The following CASK variants were observed in gnomAD, a reference collection of about 807,000 sequenced individuals.
CASK encodes the protein peripheral plasma membrane protein CASK.
CASK carries 4 observed loss-of-function variants against 82.9 expected under a neutral mutation model. That is an observed-to-expected ratio of 0.05 (90% confidence interval 0.02 to 0.11). The LOEUF (loss-of-function observed/expected upper bound fraction) is 0.11. Ranked by LOEUF, CASK falls within the 10% of genes least tolerant of loss-of-function variation. The pLI is 1.00. For missense variants in CASK, 358 were observed against 720.9 expected, an observed-to-expected ratio of 0.50 and a Z score of 5.76; for synonymous variants, 259 against 253.5, an observed-to-expected ratio of 1.02 and a Z score of -0.20.
intron 12 of CASK, among the ~76,000 whole-genome samples, chrX:41,600,378 C>T (rs1020448645): frequency 2.7e-5 from 3 of 112,462 alleles, no homozygotes; most frequent in East Asian, 2.8e-4. Context: ...GCCACTCCAT[C>T]GAACATTCTT....
intron 3 of CASK, among the ~76,000 whole-genome samples, chrX:41,770,395 A>AGGCTGGCT (rs754706476): frequency 9.2e-6 from 1 of 108,972 alleles, no homozygotes; most frequent in African/African-American, 3.4e-5. Flanking sequence ...CTTGTTACCC[A>AGGCTGGCT]GGCTGGCTGG....
intron 11 of CASK, among the ~76,000 whole-genome samples, chrX:41,616,143 A>G (rs954110578): frequency 1.2e-4 from 13 of 111,592 alleles, no homozygotes; most frequent in Non-Finnish European, 9.4e-5. Context: ...AGCGCACTCC[A>G]TGAGTTACTT....
Position 41,906,531 on chromosome X carries a change from G to A in CASK, c.59+16399C>T, listed in dbSNP as rs113939598. ...ACTTTTCTACAGCAGTTGCTACTCT[G>A]GAAGTAGCACCCGGCTCCTAAGCAC... On this transcript the variant is annotated intron_variant, in intron 1 of 26. Coordinates refer to ENST00000378163, the MANE Select transcript of CASK (RefSeq NM_001367721.1). 2.1e-3 allele frequency among the ~76,000 whole-genome samples: 235 copies of A among 112,481 alleles called. 1 individual carries two copies. The highest frequency in any genetic ancestry group is 3.8e-3 in the Non-Finnish European group (203 of 53,284).
At chrX:41,612,548 G>A (rs1490890256) in intron 11 of CASK, among the ~76,000 whole-genome samples, 2 of 103,357 alleles carry the variant, frequency 1.9e-5, no homozygotes, top group Non-Finnish European at 4.0e-5. Flanking sequence ...CCCCCCGCCC[G>A]GCCAGCCGCC....
chrX:41,654,322 G>A (rs766967007), intron 8 of CASK, among the ~76,000 whole-genome samples: 34 of 111,587 alleles, frequency 3.0e-4, no homozygotes, highest in African/African-American at 1.0e-3. Context: ...AAAGAAAGAG[G>A]AGAATCATGG....
At chrX:41,848,518 C>T (rs2071202345) in intron 2 of CASK, among the ~76,000 whole-genome samples, 1 of 112,053 alleles carries the variant, frequency 8.9e-6, no homozygotes, top group African/African-American at 3.2e-5. Context: ...TCCACCAGGA[C>T]TGGAAGTTTC....
rs1208911902 is a variant in CASK at position 41,912,711 on chromosome X, A to G, written c.59+10219T>C. Reference sequence around the variant, plus strand: ...CAGCGCTTTGGGAGGTTGGGGCAGGAGGACTGCTTGAGGCCAGGAGTTTGA... The same window carrying G: ...CAGCGCTTTGGGAGGTTGGGGCAGGGGGACTGCTTGAGGCCAGGAGTTTGA... On this transcript the variant is annotated intron_variant, in intron 1 of 26. Transcript: ENST00000378163. Among the ~76,000 whole-genome samples the G allele has an allele frequency of 1.7e-4, 18 of 105,235 alleles. 1 individual carries two copies. The highest frequency in any genetic ancestry group is 1.1e-3 in the Admixed American group (11 of 9,657). The allele number at this position is 105,235 out of a possible 115,157, so 91.4% of individuals were successfully genotyped here.
intron 5 of CASK, among the ~76,000 whole-genome samples, chrX:41,671,962 T>G (rs2067202211): frequency 8.9e-6 from 1 of 111,902 alleles, no homozygotes; most frequent in Non-Finnish European, 1.9e-5. Flanking sequence ...GTATCCTGGT[T>G]GTTAGGGGAT....
At chrX:41,792,529 A>G (rs1447431899) in intron 2 of CASK, among the ~76,000 whole-genome samples, 2 of 110,515 alleles carry the variant, frequency 1.8e-5, no homozygotes, top group Non-Finnish European at 3.8e-5. Flanking sequence ...GCCTCAATCA[A>G]TCTTCCTGCC....
chrX:41,568,666 G>A (rs947955692), intron 16 of CASK, among the ~76,000 whole-genome samples: 1 of 111,635 alleles, frequency 9.0e-6, no homozygotes, highest in African/African-American at 3.3e-5. Context: ...TCCAAACCCT[G>A]CCCATCCTTG....
rs72190097 is a variant in CASK at position 41,869,812 on chromosome X, C to CAAAAAAAAAAAAAAAAAAA, written c.60-16604_60-16586dup. ...TGGGTGATGAAGTAAGACTCTGTCT[C>CAAAAAAAAAAAAAAAAAAA]AAAAAAAAAAAAAAAAAAAAAAAAG... On this transcript the variant is annotated intron_variant, in intron 1 of 26. Transcript: ENST00000378163. Among the ~76,000 whole-genome samples, 14 of 12,114 alleles carry CAAAAAAAAAAAAAAAAAAA rather than the reference C, an allele frequency of 1.2e-3. 2 individuals carry two copies. Among genetic ancestry groups the CAAAAAAAAAAAAAAAAAAA allele is most frequent in the Non-Finnish European group, 1.5e-3 (12 of 8,128 alleles). 10.5% of individuals were successfully genotyped at this position (12,114 alleles called of 115,157 possible).
rs1388737332 is a variant in CASK at position 41,553,708 on chromosome X, T to C, written c.2039+11A>G. 9 of 1,181,171 alleles carry C rather than the reference T, an allele frequency of 7.6e-6. No homozygotes were observed. The highest frequency in any genetic ancestry group is 1.7e-5 in the African/African-American group (1 of 57,168). ...ATAACCAAGCAAAGCAAAACACGCA[T>C]AAAAACATACCATTCCTGAAGTTCA... On this transcript the variant is annotated intron_variant, in intron 21 of 26. Coordinates refer to ENST00000378163, the MANE Select transcript of CASK (RefSeq NM_001367721.1).
chrX:41,605,931 G>A (rs975688913), intron 12 of CASK, among the ~76,000 whole-genome samples: 2 of 111,096 alleles, frequency 1.8e-5, no homozygotes, highest in East Asian at 2.8e-4. Context: ...CTCCCGCCTC[G>A]GCCTCCCAAA....
At position 41,854,219 on chromosome X, in the gene CASK, C is replaced by CGT. The variant is rs1569469359; in HGVS notation, c.60-993_60-992insAC. Among the ~76,000 whole-genome samples, 116 of 59,464 alleles carry CGT rather than the reference C, an allele frequency of 2.0e-3. 1 individual carries two copies. Among genetic ancestry groups the CGT allele is most frequent in the African/African-American group, 5.6e-3 (111 of 19,987 alleles). 51.6% of individuals were successfully genotyped at this position (59,464 alleles called of 115,157 possible). A position where few individuals can be genotyped will look rare whatever the true frequency, so the allele number is the denominator to read the frequency against. ...CAGGGAACATGCGCGCGCGCGCGGG[C>CGT]GCGCGCACACACACACACACACACA... On this transcript the variant is annotated intron_variant, in intron 1 of 26. Transcript: ENST00000378163.
intron 21 of CASK, among the ~76,000 whole-genome samples, chrX:41,548,848 G>GA (rs2065057406): frequency 1.8e-5 from 2 of 112,027 alleles, no homozygotes; most frequent in African/African-American, 3.2e-5. Flanking sequence ...AGGTTCCCAG[G>GA]AAAAAATTGT....
chrX:41,540,305 GAC>G (rs779503773), intron 22 of CASK, among the ~76,000 whole-genome samples: 210 of 112,247 alleles, frequency 1.9e-3, no homozygotes, highest in Admixed American at 2.0e-3. Context: ...AATGTCAAAA[GAC>G]AGAGGAAAAA....
chrX:41,881,691 C>T (rs1011320024), intron 1 of CASK, among the ~76,000 whole-genome samples: 1 of 111,807 alleles, frequency 8.9e-6, no homozygotes, highest in African/African-American at 3.2e-5. Flanking sequence ...ACCAAAGGTG[C>T]TTCATATGTG....
intron 25 of CASK, among the ~76,000 whole-genome samples, chrX:41,528,964 C>A (rs997385550): frequency 8.9e-6 from 1 of 112,439 alleles, no homozygotes; most frequent in Admixed American, 9.3e-5. Flanking sequence ...CCAGGACTGG[C>A]ATGAGGCTGG....
intron 16 of CASK, chrX:41,561,944 T>G: frequency 5.3e-6 from 1 of 187,794 alleles, no homozygotes; most frequent in East Asian, 1.2e-4. Context: ...CTGCCTGGGT[T>G]CAAATTCCAG....
Sources: allele counts gnomAD v4.1 joint callset (sites outside exome capture counted in the v4.1 genomes callset), GRCh38; gene constraint gnomAD v4.1.1; transcripts MANE v1.5; gene names NCBI Gene and HGNC (gene_info 2026-07-23, HGNC 2026-07-21).